The following APBB2 variants were observed in gnomAD, a reference collection of about 807,000 sequenced individuals.
APBB2 encodes the protein Fe65-like 1.
A neutral mutation model predicts 82.5 loss-of-function variants in APBB2; 38 were observed. The observed-to-expected ratio is 0.46, with a 90% CI of 0.36 to 0.60. The LOEUF is 0.60. Ranked by LOEUF, APBB2 falls within the 20% of genes least tolerant of loss-of-function variation. The probability of loss-of-function intolerance (pLI) is 0.00; values close to 1 mark genes in which losing one functional copy is unlikely to be tolerated. For synonymous variants in APBB2, 341 were observed against 368.2 expected, an observed-to-expected ratio of 0.93 and a Z score of 0.85; for missense variants, 772 against 972.3, an observed-to-expected ratio of 0.79 and a Z score of 2.74.
chr4:41,193,608 C>A, intron 1 of APBB2: 1 of 980,242 alleles, frequency 1.0e-6, no homozygotes, highest in Non-Finnish European at 1.2e-6. Flanking sequence ...ATGTTCCTTG[C>A]GGAGGCTGCT....
chr4:40,896,839 T>G (rs1203384477), intron 10 of APBB2, among the ~76,000 whole-genome samples: 1 of 152,178 alleles, frequency 6.6e-6, no homozygotes, highest in Non-Finnish European at 1.5e-5. Flanking sequence ...GCATGGAAAC[T>G]GGGGCTTGGA....
chr4:40,935,394 C>G (rs921201130), intron 7 of APBB2: 3 of 454,030 alleles, frequency 6.6e-6, no homozygotes, highest in African/African-American at 4.1e-5. Flanking sequence ...TAGAAGCAGA[C>G]AGTGAAGTTA....
chr4:41,033,910 C>T (rs565656650), intron 4 of APBB2, among the ~76,000 whole-genome samples: 2 of 152,288 alleles, frequency 1.3e-5, no homozygotes, highest in Non-Finnish European at 2.9e-5. Flanking sequence ...TCACTCAAAA[C>T]TTAAGAAAAT....
chr4:41,089,944 C>T (rs980825942), intron 3 of APBB2, among the ~76,000 whole-genome samples: 1 of 152,188 alleles, frequency 6.6e-6, no homozygotes, highest in African/African-American at 2.4e-5. Context: ...TTTTATTTTA[C>T]ATATATTTAT....
intron 2 of APBB2, among the ~76,000 whole-genome samples, chr4:41,117,800 G>A (rs73810831): frequency 0.013 from 1,967 of 152,252 alleles, 35 homozygotes; most frequent in African/African-American, 0.045. Context: ...AGGGCAGGCA[G>A]AGCATCTTTA....
chr4:41,017,715 C>A (rs1036518865), intron 5 of APBB2, among the ~76,000 whole-genome samples: 1 of 152,082 alleles, frequency 6.6e-6, no homozygotes, highest in Non-Finnish European at 1.5e-5. Flanking sequence ...CCTACCAGGG[C>A]CCCCAGATTA....
At chr4:40,886,974 A>T (rs1202961770) in intron 12 of APBB2, among the ~76,000 whole-genome samples, 3 of 152,260 alleles carry the variant, frequency 2.0e-5, no homozygotes, top group Non-Finnish European at 4.4e-5. Context: ...CAGGCAATAA[A>T]GCAAATGGGC....
intron 3 of APBB2, among the ~76,000 whole-genome samples, chr4:41,080,746 A>C (rs1737315016): frequency 7.3e-6 from 1 of 137,712 alleles, no homozygotes; most frequent in South Asian, 2.3e-4. Flanking sequence ...CTTGTTGCCC[A>C]GGCTGGAGTG....
intron 1 of APBB2, among the ~76,000 whole-genome samples, chr4:41,203,209 TACAC>T (rs144398656): frequency 6.6e-5 from 10 of 151,900 alleles, no homozygotes; most frequent in Non-Finnish European, 1.3e-4. Context: ...GATACACATA[TACAC>T]ACACACACGT....
intron 10 of APBB2, among the ~76,000 whole-genome samples, chr4:40,921,921 C>T (rs1292092488): frequency 2.6e-5 from 4 of 152,184 alleles, no homozygotes; most frequent in Non-Finnish European, 5.9e-5. Context: ...GACCTTTCTG[C>T]CCCTTCCTGA....
intron 12 of APBB2, among the ~76,000 whole-genome samples, chr4:40,831,608 C>A (rs1292225114): frequency 3.3e-5 from 5 of 152,108 alleles, no homozygotes; most frequent in African/African-American, 4.8e-5. Flanking sequence ...CGGAAGCAAA[C>A]AATAGGCTCT....
intron 5 of APBB2, among the ~76,000 whole-genome samples, chr4:41,024,520 T>G (rs1010670527): frequency 6.6e-6 from 1 of 152,168 alleles, no homozygotes; most frequent in Admixed American, 6.5e-5. Context: ...GCCTTCTATA[T>G]TAGGGTGACT....
intron 12 of APBB2, among the ~76,000 whole-genome samples, chr4:40,831,835 G>T (rs1041150553): frequency 3.2e-4 from 48 of 152,152 alleles, no homozygotes; most frequent in African/African-American, 1.0e-3. Flanking sequence ...TGGTGAGCAT[G>T]CAGCCGATGT....
intron 10 of APBB2, among the ~76,000 whole-genome samples, chr4:40,902,023 CATT>C (rs1334288769): frequency 6.6e-6 from 1 of 151,980 alleles, no homozygotes; most frequent in African/African-American, 2.4e-5. Context: ...CACTTAACAT[CATT>C]GATAGGTTCT....
chr4:41,209,714 C>A (rs561053620), intron 1 of APBB2, among the ~76,000 whole-genome samples: 4 of 152,306 alleles, frequency 2.6e-5, no homozygotes, highest in African/African-American at 9.6e-5. Context: ...ATACACTTTA[C>A]CCAAATCTAA....
intron 3 of APBB2, among the ~76,000 whole-genome samples, chr4:41,076,756 G>A (rs1560688461): frequency 6.6e-6 from 1 of 152,114 alleles, no homozygotes; most frequent in South Asian, 2.1e-4. Context: ...AACTTCAGGA[G>A]GGAACAGGGT....
At chr4:40,842,433 G>A (rs776147408) in intron 12 of APBB2, 36 of 446,266 alleles carry the variant, frequency 8.1e-5, no homozygotes, top group Non-Finnish European at 1.5e-4. Context: ...CATTCACACG[G>A]CATCCCGCCA....
intron 2 of APBB2, among the ~76,000 whole-genome samples, chr4:41,101,217 C>T (rs2153968737): frequency 6.6e-6 from 1 of 152,116 alleles, no homozygotes; most frequent in East Asian, 1.9e-4. Context: ...GTAATCCCAG[C>T]ACTTTGGGAG....
At chr4:41,037,679 T>C (rs1719759289) in intron 4 of APBB2, among the ~76,000 whole-genome samples, 1 of 152,202 alleles carries the variant, frequency 6.6e-6, no homozygotes, top group South Asian at 2.1e-4. Context: ...GCTTGCATTC[T>C]ATTTCTACTG....
Sources: gnomAD v4.1 joint callset for allele counts (sites outside exome capture counted in the v4.1 genomes callset) on GRCh38, gnomAD v4.1.1 for gene constraint, MANE v1.5 for transcripts, NCBI Gene and HGNC (gene_info 2026-07-23, HGNC 2026-07-21) for gene names.